The following PLIN4 variants were observed in gnomAD, a reference collection of about 807,000 sequenced individuals.
PLIN4 encodes the protein perilipin 4, also known as perilipin-4.
Under a neutral mutation model 52.4 loss-of-function variants are expected in PLIN4, and 57 were observed. The ratio of observed to expected loss-of-function variants is 1.09; its 90% CI spans 0.88 to 1.36. The LOEUF (loss-of-function observed/expected upper bound fraction) is 1.36, where lower values mean the gene tolerates loss of function less well. Ranked by LOEUF, PLIN4 falls within the 40% of genes most tolerant of loss-of-function variation. PLIN4 has a pLI of 0.00. For missense variants in PLIN4, 1,757 were observed against 1,770.3 expected (o/e 0.99, Z 0.13); for synonymous variants, 826 against 785.4 (o/e 1.05, Z -0.86).
rs561347732 is a variant in PLIN4 at position 4,515,329 on chromosome 19, G to A, written c.258+1288C>T. ...CTGTCACCCAGACTGGAGTGCAGTG[G>A]CGAGATCTCGGCTCACTGCAGTCTC... On this transcript the variant is annotated intron_variant, in intron 4 of 7. Transcript: ENST00000301286. Among the ~76,000 whole-genome samples the A allele has an allele frequency of 9.9e-5, 15 of 150,964 alleles. No homozygotes were observed. The East Asian group carries it at 3.0e-3, about 30-fold the overall frequency.
intron 5 of PLIN4, 53 bp downstream of exon 5, chr19:4,510,393 C>T: frequency 7.4e-7 from 1 of 1,352,750 alleles, no homozygotes; most frequent in Non-Finnish European, 9.5e-7. Flanking sequence ...AGTCAAGGAC[C>T]TGCTAGCAGC....
Position 4,517,588 on chromosome 19 carries a change from C to A in PLIN4, c.162G>T (p.Ala54=). 3 of 1,610,512 alleles carry A rather than the reference C, an allele frequency of 1.9e-6. No homozygotes were observed. The highest frequency in any genetic ancestry group is 2.5e-6 in the Non-Finnish European group (3 of 1,179,038). Reference sequence around the variant, plus strand: ...GTGGTTGGGCAGCCTCGGCAGCAGGCGCTCCTGTGGGGTCAGCGGCCGGCC... The same window carrying A: ...GTGGTTGGGCAGCCTCGGCAGCAGGAGCTCCTGTGGGGTCAGCGGCCGGCC... ...RARPAADPTG[A]PAAEAAQPQA... The change falls in exon 3 of 8, where the codon GCG becomes GCT. Residue 54 remains alanine (A), a synonymous_variant. Transcript: ENST00000301286.
In PLIN4 at chr19:4,511,151, C is replaced by T. The variant is rs1976302198; in HGVS notation, c.2809G>A (p.Gly937Ser). ...TKDTVCSGVT[G>S]AVNVAKGTVQ... ...GTCCCTTTGGCCACATTTACGGCAC[C>T]AGTGACTCCACTGCAGACGGTGTCC... The change falls in exon 5 of 8, where the codon GGT (glycine) becomes AGT (serine). Residue 937 changes from glycine to serine, a missense_variant. Coordinates refer to ENST00000301286, the MANE Select transcript of PLIN4 (RefSeq NM_001367868.2). 6.2e-7 allele frequency: 1 copy of T among 1,610,634 alleles called. No individual in the cohort carries two copies. The highest frequency in any genetic ancestry group is 8.5e-7 in the Non-Finnish European group (1 of 1,177,688).
At chr19:4,517,769 G>T (rs1419785268) in intron 2 of PLIN4, 71 bp from the exon 3 acceptor site, 3 of 1,514,920 alleles carry the variant, frequency 2.0e-6, no homozygotes, top group African/African-American at 1.4e-5. Context: ...AGGAAGCATC[G>T]ATTGATCAGC....
At position 4,512,506 on chromosome 19, in the gene PLIN4, T is replaced by C. The variant is rs1251439264; in HGVS notation, c.1454A>G (p.Gln485Arg). The change falls in exon 5 of 8, where the codon CAG (glutamine) becomes CGG (arginine). Residue 485 changes from glutamine (Q) to arginine (R), a missense_variant. Gln to Arg is a conservative substitution (Grantham distance 43). This residue lies in a region of PLIN4 where 439 missense variants were observed against 406.4 expected (regional missense o/e 1.08). Coordinates refer to ENST00000301286, the MANE Select transcript of PLIN4 (RefSeq NM_001367868.2). ...AGACTTTGTAGTGTCCAGGCCGCCC[T>C]GGACGGCCCCTTTGGCCACATTCGC... ...GAANVAKGAV[Q>R]GGLDTTKSVL... 5.0e-6 allele frequency: 8 copies of C among 1,607,844 alleles called. No homozygotes were observed. The highest frequency in any genetic ancestry group is 6.8e-6 in the Non-Finnish European group (8 of 1,176,140).
rs775264829 is a variant in PLIN4 at position 4,504,774 on chromosome 19, G to A, written c.3801C>T (p.Ala1267=). 99 of 1,599,364 alleles carry A rather than the reference G, an allele frequency of 6.2e-5. No homozygotes were observed. The highest frequency in any genetic ancestry group is 7.9e-5 in the Non-Finnish European group (92 of 1,171,876). Reference sequence around the variant, plus strand: ...GGCCGCAGACCCTGGACAGAACCCCGGCATCCCGCTCCTGTGGGAGGAAGG... The same window carrying A: ...GGCCGCAGACCCTGGACAGAACCCCAGCATCCCGCTCCTGTGGGAGGAAGG... ...EDAAVQEERD[A]GVLSRVCGLL... The change falls in exon 8 of 8, where the codon GCC becomes GCT. Residue 1267 remains alanine (A), a synonymous_variant. Transcript: ENST00000301286.
At position 4,504,362 on chromosome 19, in the gene PLIN4, G is replaced by T; in HGVS notation, c.*97C>A. On this transcript the variant is annotated 3_prime_UTR_variant, in exon 8 of 8. Transcript: ENST00000301286. ...AGCCCCAAAGGTCTAGGGCTTTAGG[G>T]AACCGATCCAGGTTTGGGGGCGGGG... The T allele has an allele frequency of 8.0e-7, 1 of 1,251,066 alleles. No individual in the cohort carries two copies. The highest frequency in any genetic ancestry group is 1.1e-6 in the Non-Finnish European group (1 of 932,826). 77.5% of individuals were successfully genotyped at this position (1,251,066 alleles called of 1,614,324 possible).
rs1483134292 is a variant in PLIN4 at position 4,510,896 on chromosome 19, C to G, written c.3064G>C (p.Val1022Leu). Reference sequence around the variant, plus strand: ...ACTGCGTCTTTGGTTCCGGTCAGCACTGTCTTGGTGGTGTCCAGGCCCCCC... The same window carrying G: ...ACTGCGTCTTTGGTTCCGGTCAGCAGTGTCTTGGTGGTGTCCAGGCCCCCC... ...VQGGLDTTKT[V>L]LTGTKDAVSA... The change falls in exon 5 of 8, where the codon GTG becomes CTG. Residue 1022 changes from valine (V) to leucine (L), a missense_variant. This residue lies in a region of PLIN4 where 712 missense variants were observed against 637.1 expected (regional missense o/e 1.12). Transcript: ENST00000301286. 3.7e-6 allele frequency: 6 copies of G among 1,613,618 alleles called. No individual in the cohort carries two copies. Among genetic ancestry groups the G allele is most frequent in the African/African-American group, 1.3e-5 (1 of 74,936 alleles).
chr19:4,508,352 G>GTTCAACCTCGCCTCCCAGA (rs1461958170), intron 6 of PLIN4, among the ~76,000 whole-genome samples: 1 of 152,154 alleles, frequency 6.6e-6, no homozygotes, highest in Non-Finnish European at 1.5e-5. Flanking sequence ...CGCCTCCCGG[G>GTTCAACCTCGCCTCCCAGA]TTCAACCTCG....
chr19:4,511,229 C>T lies in PLIN4; in HGVS notation c.2731G>A (p.Gly911Arg), dbSNP rs761005531. 1.2e-6 allele frequency: 2 copies of T among 1,611,300 alleles called. No homozygotes were observed. The highest frequency in any genetic ancestry group is 1.7e-6 in the Non-Finnish European group (2 of 1,178,276). The change falls in exon 5 of 8, where the codon GGG becomes AGG. Residue 911 changes from glycine (G) to arginine (R), a missense_variant. Physicochemically the swap from Gly to Arg is moderately radical, Grantham distance 125. Coordinates refer to ENST00000301286, the MANE Select transcript of PLIN4 (RefSeq NM_001367868.2). ...GLTGAVNLAK[G>R]TVQTGVDTSK... ...GTGTCCACGCCGGTCTGGACAGTCC[C>T]TTTGGCCAAGTTCACAGCCCCTGTG...
rs543745650 is a variant in PLIN4 at position 4,502,314 on chromosome 19, C to T, written c.*2145G>A. ...GGGCCCGTTTGGGACTGGGTTGAGC[C>T]ATCAGGCCACCGTGAGAAGCGACTA... is the stretch of plus-strand genomic sequence containing the variant. On this transcript the variant is annotated 3_prime_UTR_variant, in exon 8 of 8. Transcript: ENST00000301286. 1,401 of 450,594 alleles carry T rather than the reference C, an allele frequency of 3.1e-3. 12 individuals are homozygous for T. Among genetic ancestry groups the T allele is most frequent in the Non-Finnish European group, 2.2e-3 (538 of 246,550 alleles). 27.9% of individuals were successfully genotyped at this position (450,594 alleles called of 1,614,324 possible).
In PLIN4 at chr19:4,516,721, T is replaced by G. The variant is rs778408516; in HGVS notation, c.197-43A>C. 3 of 1,518,440 alleles carry G rather than the reference T, an allele frequency of 2.0e-6. No individual in the cohort carries two copies. In the South Asian group the frequency reaches 3.8e-5, roughly 19 times the overall value. The allele number at this position is 1,518,440 out of a possible 1,614,324, so 94.1% of individuals were successfully genotyped here. On this transcript the variant is annotated intron_variant, in intron 3 of 7. Coordinates refer to ENST00000301286, the MANE Select transcript of PLIN4 (RefSeq NM_001367868.2). ...GGTCAGGGAGAGTGAGGGATGCAGT[T>G]AGAACCATCTACCCGGCTGCCCATT...
rs772328804 is a variant in PLIN4 at position 4,510,917 on chromosome 19, C to A, written c.3043G>T (p.Gly1015Cys). ...MSMAKGAVQG[G>C]LDTTKTVLTG... is the part of the protein sequence containing the mutation. ...AGCACTGTCTTGGTGGTGTCCAGGC[C>A]CCCCTGGACGGCCCCTTTGGCCATG... Residue 1015 changes from glycine to cysteine, a missense_variant, in exon 5 of 8, where the codon GGC (glycine) becomes TGC (cysteine). Transcript: ENST00000301286. 21 of 1,613,626 alleles carry A rather than the reference C, an allele frequency of 1.3e-5. No homozygotes were observed. The highest frequency in any genetic ancestry group is 1.7e-5 in the Non-Finnish European group (20 of 1,179,872).
chr19:4,508,102 CAGCTTGCTCCCCGGT>C (rs1976152873), intron 6 of PLIN4, among the ~76,000 whole-genome samples: 1 of 152,214 alleles, frequency 6.6e-6, no homozygotes, highest in Non-Finnish European at 1.5e-5. Context: ...CGAACACACC[CAGCTTGCTCCCCGGT>C]AGCTTGCTGT....
rs1270255690 is a variant in PLIN4 at position 4,508,704 on chromosome 19, A to G, written c.3702+64T>C. On this transcript the variant is annotated intron_variant, in intron 6 of 7. Transcript: ENST00000301286. ...CTCAGTCAGTATCTGCAGCTGGGTGAGTCCTGGGCAGGGGTTCTAAGAAGT... is the reference window on the plus strand; with the variant it reads ...CTCAGTCAGTATCTGCAGCTGGGTGGGTCCTGGGCAGGGGTTCTAAGAAGT... 5 of 1,469,280 alleles carry G rather than the reference A, an allele frequency of 3.4e-6. No individual in the cohort carries two copies. The African/African-American group carries it at 4.2e-5, about 12-fold the overall frequency. 91.0% of individuals were successfully genotyped at this position (1,469,280 alleles called of 1,614,324 possible).
Position 4,510,428 on chromosome 19 carries a change from A to T in PLIN4, c.3514+18T>A, listed in dbSNP as rs1976256149. ...CTGTGCCTGCCTCAGGGACCCATGA[A>T]CCCAGGCGTCCCCTCACCTTGCTCC... On this transcript the variant is annotated intron_variant, in intron 5 of 7. Transcript: ENST00000301286. 1 of 1,398,732 alleles carries T rather than the reference A, an allele frequency of 7.1e-7. No individual in the cohort carries two copies. The highest frequency in any genetic ancestry group is 9.3e-7 in the Non-Finnish European group (1 of 1,072,376). The allele number at this position is 1,398,732 out of a possible 1,614,324, so 86.6% of individuals were successfully genotyped here. A position where few individuals can be genotyped will look rare whatever the true frequency, so the allele number is the denominator to read the frequency against.
chr19:4,516,531 C>T, intron 4 of PLIN4, 86 bp downstream of exon 4: 1 of 1,473,518 alleles, frequency 6.8e-7, no homozygotes, highest in South Asian at 1.2e-5. Context: ...GGAGCAGCCC[C>T]CCAGATAGCA....
intron 4 of PLIN4, among the ~76,000 whole-genome samples, chr19:4,515,669 G>A (rs928878161): frequency 6.6e-6 from 1 of 152,218 alleles, no homozygotes; most frequent in Non-Finnish European, 1.5e-5. Context: ...AACTTGGGGA[G>A]GCTCCTGGCA....
Position 4,504,494 on chromosome 19 carries a change from C to G in PLIN4, c.4081G>C (p.Val1361Leu), listed in dbSNP as rs369880491. 2.5e-6 allele frequency: 4 copies of G among 1,597,478 alleles called. No homozygotes were observed. Among genetic ancestry groups the G allele is most frequent in the Admixed American group, 3.4e-5 (2 of 59,428 alleles). The change falls in exon 8 of 8, where the codon GTA becomes CTA. Residue 1361 changes from valine to leucine, a missense_variant. Val to Leu is a conservative substitution (Grantham distance 32). Coordinates refer to ENST00000301286, the MANE Select transcript of PLIN4 (RefSeq NM_001367868.2). ...LQHNPPLSWL[V>L]GPFALPAGGQ ...CCAGCGGGCAAGGCGAAGGGCCCTA[C>G]CAGCCAGCTGAGCGGGGGATTGTGC...
Sources: gnomAD v4.1 joint callset for allele counts (sites outside exome capture counted in the v4.1 genomes callset) on GRCh38, gnomAD v4.1.1 for gene constraint, gnomAD v4.1.1 regional missense constraint, MANE v1.5 for transcripts, NCBI Gene and HGNC (gene_info 2026-07-23, HGNC 2026-07-21) for gene names.